Variants in LAMC2 observed in about 807,000 individuals in gnomAD.
LAMC2 encodes the protein laminin subunit gamma-2.
LAMC2 carries 97 observed loss-of-function variants against 140.2 expected under a neutral mutation model. The observed-to-expected ratio is 0.69, with a 90% CI of 0.59 to 0.82. The LOEUF (loss-of-function observed/expected upper bound fraction) is 0.82, where lower values mean the gene tolerates loss of function less well. Ranked by LOEUF, LAMC2 falls within the 40% of genes least tolerant of loss-of-function variation. The pLI is 0.00. For synonymous variants in LAMC2, 513 were observed against 540.2 expected, an observed-to-expected ratio of 0.95 and a Z score of 0.70; for missense variants, 1,402 against 1,476.1, an observed-to-expected ratio of 0.95 and a Z score of 0.82.
intron 1 of LAMC2, among the ~76,000 whole-genome samples, chr1:183,187,342 C>G (rs1454624176): frequency 6.6e-6 from 1 of 152,144 alleles, no homozygotes; most frequent in East Asian, 1.9e-4. Flanking sequence ...ATTGTGCATT[C>G]CGGGTGATGC....
At chr1:183,229,413 G>C (rs1157772961) in intron 11 of LAMC2, among the ~76,000 whole-genome samples, 1 of 152,068 alleles carries the variant, frequency 6.6e-6, no homozygotes, top group Non-Finnish European at 1.5e-5. Flanking sequence ...GAGGTGGGTG[G>C]ATCACCTGAG....
intron 1 of LAMC2, among the ~76,000 whole-genome samples, chr1:183,198,040 A>G (rs3118182): frequency 0.31 from 47,285 of 151,812 alleles, 7,801 homozygotes; most frequent in East Asian, 0.43. Context: ...TTGATGTCTC[A>G]GAAAGAGAAT....
chr1:183,191,374 A>C (rs1012999192), intron 1 of LAMC2, among the ~76,000 whole-genome samples: 2 of 152,164 alleles, frequency 1.3e-5, no homozygotes, highest in African/African-American at 4.8e-5. Flanking sequence ...AAGCTGAGAA[A>C]GATTGTTGAT....
chr1:183,258,966 G>A, the LAMC2 span, among the ~76,000 whole-genome samples: 5 of 152,270 alleles, frequency 3.3e-5, no homozygotes, highest in African/African-American at 9.6e-5. Context: ...CTGGTCTCCC[G>A]CACAGCCGGC....
chr1:183,220,772 C>G, intron 4 of LAMC2, 53 bp from the exon 5 acceptor site: 2 of 1,552,592 alleles, frequency 1.3e-6, no homozygotes, highest in Non-Finnish European at 1.8e-6. Flanking sequence ...CATATTTTTT[C>G]TATAGAATAA....
In LAMC2 at chr1:183,186,264, A is replaced by G. The variant is rs2276542; in HGVS notation, c.-89A>G. The G allele has an allele frequency of 0.18, 276,095 of 1,523,410 alleles. 27,092 individuals carry two copies. The highest frequency in any genetic ancestry group is 0.39 in the East Asian group (15,846 of 40,930). The allele number at this position is 1,523,410 out of a possible 1,614,324, so 94.4% of individuals were successfully genotyped here. ...CCACCTGATCAAGGAAAAGGAAGGC[A>G]CAGCGGAGCGCAGAGTGAGAACCAC... On this transcript the variant is annotated 5_prime_UTR_variant, in exon 1 of 23. Coordinates refer to ENST00000264144, the MANE Select transcript of LAMC2 (RefSeq NM_005562.3).
Position 183,226,704 on chromosome 1 carries a change from G to A in LAMC2, c.1073G>A (p.Gly358Glu). ...CCTGTTCTCTCGATTGCAGGTACTG[G>A]GTACATTGACAATGTGACCCTGATT... ...IRATYGEYST[G>E]YIDNVTLISA... The change falls in exon 9 of 23, where the codon GGG (glycine) becomes GAG (glutamate). Residue 358 changes from glycine to glutamate, a missense_variant. By Grantham distance (98) the Gly-to-Glu change is moderately conservative (BLOSUM62 -2). Transcript: ENST00000264144. 6.2e-7 allele frequency: 1 copy of A among 1,614,120 alleles called. No individual in the cohort carries two copies. The highest frequency in any genetic ancestry group is 8.5e-7 in the Non-Finnish European group (1 of 1,179,974).
chr1:183,237,811 A>G (rs955788607), intron 18 of LAMC2, among the ~76,000 whole-genome samples: 2 of 152,202 alleles, frequency 1.3e-5, no homozygotes, highest in Non-Finnish European at 2.9e-5. Flanking sequence ...ACTTGAGCTC[A>G]TGAGTTCGAG....
intron 1 of LAMC2, among the ~76,000 whole-genome samples, chr1:183,196,453 A>T (rs1307783953): frequency 6.6e-6 from 1 of 152,196 alleles, no homozygotes; most frequent in Admixed American, 6.5e-5. Context: ...AATTTTTAAA[A>T]TACATTAGGA....
At chr1:183,191,107 G>A (rs574570240) in intron 1 of LAMC2, among the ~76,000 whole-genome samples, 2 of 152,206 alleles carry the variant, frequency 1.3e-5, no homozygotes, top group East Asian at 3.9e-4. Context: ...TTAGCTTAAT[G>A]TATCTTCCCC....
At chr1:183,238,224 C>A in intron 18 of LAMC2, 83 bp from the exon 19 acceptor site, 1 of 968,160 alleles carries the variant, frequency 1.0e-6, no homozygotes, top group Non-Finnish European at 1.7e-6. Flanking sequence ...CAATGATCTG[C>A]TGTCATGAAG....
chr1:183,227,438 C>A, intron 9 of LAMC2, 77 bp from the exon 10 acceptor site: 1 of 1,361,958 alleles, frequency 7.3e-7, no homozygotes, highest in Non-Finnish European at 1.0e-6. Flanking sequence ...ACATTCTACA[C>A]TCTGACCCAT....
At chr1:183,248,031 A>G (rs1660275637), downstream of LAMC2, among the ~76,000 whole-genome samples, 1 of 152,228 alleles carries the variant, frequency 6.6e-6, no homozygotes, top group African/African-American at 2.4e-5. Context: ...ACAATTTACA[A>G]ATTTGCTAAT....
At chr1:183,218,095 A>G (rs1437220942) in intron 3 of LAMC2, among the ~76,000 whole-genome samples, 1 of 152,246 alleles carries the variant, frequency 6.6e-6, no homozygotes, top group Non-Finnish European at 1.5e-5. Context: ...TAAACTAAAC[A>G]GTTGAGTGAT....
intron 2 of LAMC2, among the ~76,000 whole-genome samples, chr1:183,214,820 T>C (rs1471150865): frequency 2.0e-5 from 3 of 152,086 alleles, no homozygotes; most frequent in Non-Finnish European, 4.4e-5. Flanking sequence ...CCTGAGTTTT[T>C]CATGAACACT....
intron 11 of LAMC2, among the ~76,000 whole-genome samples, chr1:183,230,726 G>A (rs1488246148): frequency 1.3e-5 from 2 of 152,204 alleles, no homozygotes; most frequent in Non-Finnish European, 2.9e-5. Flanking sequence ...TAGGCTTTTA[G>A]TTTAACAGGG....
At position 183,232,754 on chromosome 1, in the gene LAMC2, G is replaced by A. The variant is rs756039477; in HGVS notation, c.2117G>A (p.Arg706Gln). 28 of 1,613,904 alleles carry A rather than the reference G, an allele frequency of 1.7e-5. No homozygotes were observed. Among genetic ancestry groups the A allele is most frequent in the Admixed American group, 8.3e-5 (5 of 59,988 alleles). ...CTCAAGATGACTGTGGAAAGAGTTC[G>A]GGCTCTGGGAAGTCAGTACCAGAAC... Reference protein sequence around the residue: ...DDLKMTVERVRALGSQYQNRV... With the variant: ...DDLKMTVERVQALGSQYQNRV... Residue 706 changes from arginine to glutamine, a missense_variant, in exon 14 of 23, where the codon CGG (arginine) becomes CAG (glutamine). Arg to Gln is a conservative substitution (Grantham distance 43). Around this residue, in one of 3 missense-constraint regions of LAMC2, gnomAD observed 670 missense variants for 667.2 expected, o/e 1.00. Coordinates refer to ENST00000264144, the MANE Select transcript of LAMC2 (RefSeq NM_005562.3).
intron 12 of LAMC2, 88 bp from the exon 13 acceptor site, chr1:183,232,099 T>C (rs1387162067): frequency 1.3e-6 from 2 of 1,513,388 alleles, no homozygotes; most frequent in Middle Eastern, 2.3e-4. Flanking sequence ...TCTGGACTTT[T>C]AGTATTATCC....
At chr1:183,257,075 A>G in the LAMC2 span, among the ~76,000 whole-genome samples, 2 of 152,002 alleles carry the variant, frequency 1.3e-5, no homozygotes, top group Non-Finnish European at 1.5e-5. Flanking sequence ...TATCTGGCTT[A>G]GGTATCAAAG....
Sources: gnomAD v4.1 joint callset for allele counts (sites outside exome capture counted in the v4.1 genomes callset) on GRCh38, gnomAD v4.1.1 for gene constraint, gnomAD v4.1.1 regional missense constraint, MANE v1.5 for transcripts, NCBI Gene and HGNC (gene_info 2026-07-23, HGNC 2026-07-21) for gene names.